NELL1: variants seen among roughly 807,000 people sequenced by gnomAD.
The protein encoded by NELL1 is neural EGFL like 1.
In NELL1, 76 loss-of-function variants were observed where a neutral mutation model predicts 107.4. That is an observed-to-expected ratio of 0.71 (90% CI 0.59 to 0.86). NELL1 has a LOEUF of 0.86. Among genes scored for constraint, NELL1 ranks in the 40% least tolerant of loss-of-function variants. NELL1 has a pLI of 0.00. For synonymous variants in NELL1, 353 were observed against 341.2 expected (o/e 1.03, Z -0.38); for missense variants, 1,024 against 1,005.5 (o/e 1.02, Z -0.25).
intron 15 of NELL1, among the ~76,000 whole-genome samples, chr11:21,477,313 C>T (rs114542330): frequency 2.3e-3 from 345 of 152,250 alleles, no homozygotes; most frequent in African/African-American, 7.9e-3. Flanking sequence ...GCCCACATTC[C>T]AGCTCCTGGG....
intron 17 of NELL1, 26 bp downstream of exon 17, chr11:21,560,408 A>G: frequency 6.5e-7 from 1 of 1,531,212 alleles, no homozygotes; most frequent in Non-Finnish European, 8.8e-7. Context: ...TGCAGCAGAA[A>G]TTGAAACTGT....
chr11:21,568,549 CTTAGTT>C (rs1857024870), intron 17 of NELL1, among the ~76,000 whole-genome samples: 1 of 151,492 alleles, frequency 6.6e-6, no homozygotes, highest in Non-Finnish European at 1.5e-5. Context: ...TGTAATAACA[CTTAGTT>C]TAAAACACAA....
At chr11:21,378,816 C>G (rs968776608) in intron 15 of NELL1, among the ~76,000 whole-genome samples, 1 of 150,184 alleles carries the variant, frequency 6.7e-6, no homozygotes, top group African/African-American at 2.5e-5. Context: ...CTCCTGGGTT[C>G]AAGCGATTCT....
At chr11:21,566,877 T>G (rs1356945970) in intron 17 of NELL1, among the ~76,000 whole-genome samples, 1 of 151,904 alleles carries the variant, frequency 6.6e-6, no homozygotes, top group Non-Finnish European at 1.5e-5. Context: ...AAAGTGAACA[T>G]TGCCATTGTT....
At chr11:20,911,887 T>C (rs1487030123) in intron 5 of NELL1, among the ~76,000 whole-genome samples, 3 of 152,154 alleles carry the variant, frequency 2.0e-5, no homozygotes, top group Admixed American at 1.3e-4. Flanking sequence ...AGTGTCTCAT[T>C]ACAGAAATTA....
At chr11:21,505,099 C>T (rs1023314209) in intron 15 of NELL1, among the ~76,000 whole-genome samples, 1 of 152,092 alleles carries the variant, frequency 6.6e-6, no homozygotes, top group African/African-American at 2.4e-5. Context: ...TCATGTGAAG[C>T]CCGGAATGGC....
At chr11:21,026,139 C>G (rs1298987963) in intron 12 of NELL1, among the ~76,000 whole-genome samples, 1 of 152,152 alleles carries the variant, frequency 6.6e-6, no homozygotes, top group Admixed American at 6.6e-5. Context: ...GCAAACCACT[C>G]CTAATATGGT....
At chr11:21,101,992 A>C (rs543740365) in intron 12 of NELL1, among the ~76,000 whole-genome samples, 19 of 152,216 alleles carry the variant, frequency 1.2e-4, no homozygotes, top group African/African-American at 4.6e-4. Context: ...GGCTGGGATT[A>C]CAGGTGCTTG....
intron 13 of NELL1, among the ~76,000 whole-genome samples, chr11:21,193,147 T>C (rs1857081652): frequency 6.6e-6 from 1 of 151,874 alleles, no homozygotes; most frequent in Non-Finnish European, 1.5e-5. Flanking sequence ...ACTACTAATA[T>C]GCGAAAATCC....
intron 17 of NELL1, among the ~76,000 whole-genome samples, chr11:21,564,876 C>G (rs79696680): frequency 0.043 from 6,556 of 151,970 alleles, 449 homozygotes; most frequent in African/African-American, 0.15. Context: ...TTATGTAAAC[C>G]TATTCCCAGA....
intron 4 of NELL1, among the ~76,000 whole-genome samples, chr11:20,855,580 G>T (rs943071721): frequency 6.6e-6 from 1 of 152,160 alleles, no homozygotes; most frequent in African/African-American, 2.4e-5. Context: ...TAGATGAATG[G>T]AGGGGGAAAA....
At chr11:21,471,711 A>G (rs1437661281) in intron 15 of NELL1, among the ~76,000 whole-genome samples, 1 of 152,068 alleles carries the variant, frequency 6.6e-6, no homozygotes, top group African/African-American at 2.4e-5. Flanking sequence ...GACTTGTCCA[A>G]GGTCAAAAGA....
At chr11:20,916,417 G>C (rs1339040732) in intron 5 of NELL1, among the ~76,000 whole-genome samples, 1 of 151,970 alleles carries the variant, frequency 6.6e-6, no homozygotes, top group Non-Finnish European at 1.5e-5. Flanking sequence ...GTATTTTCTT[G>C]CTTTAGGATT....
intron 4 of NELL1, among the ~76,000 whole-genome samples, chr11:20,866,538 T>C (rs1193992250): frequency 6.6e-6 from 1 of 152,240 alleles, no homozygotes; most frequent in African/African-American, 2.4e-5. Flanking sequence ...TTCTGGCCTT[T>C]TGTTTTTCAA....
In NELL1 at chr11:21,058,549, A is replaced by G. The variant is rs189061379; in HGVS notation, c.1301-55040A>G. ...CTTTGTAGCATTTTATCTTGCTTGC[A>G]GAGTGACACTTAAGCCCCTGATTGG... On this transcript the variant is annotated intron_variant, in intron 12 of 19. Coordinates refer to ENST00000357134, the MANE Select transcript of NELL1 (RefSeq NM_006157.5). 2.9e-3 allele frequency among the ~76,000 whole-genome samples: 437 copies of G among 152,272 alleles called. 1 individual carries two copies. Among genetic ancestry groups the G allele is most frequent in the African/African-American group, 9.6e-3 (400 of 41,584 alleles).
In NELL1 at chr11:21,572,629, G is replaced by C. The variant is rs1421038046; in HGVS notation, c.2158-556G>C. ...AAAGCTCCATTTGAACTGCAATCTA[G>C]AAAGTTCAGTGGTCACATGTTATAT... On this transcript the variant is annotated intron_variant, in intron 18 of 19. Transcript: ENST00000357134. Among the ~76,000 whole-genome samples the C allele has an allele frequency of 2.6e-5, 4 of 151,848 alleles. No homozygotes were observed. The East Asian group carries it at 7.8e-4, about 30-fold the overall frequency.
intron 14 of NELL1, among the ~76,000 whole-genome samples, chr11:21,318,524 C>T (rs191871540): frequency 4.5e-4 from 69 of 152,222 alleles, no homozygotes; most frequent in Non-Finnish European, 9.0e-4. Flanking sequence ...TCCATACTTC[C>T]GGCCCCACTC....
At chr11:21,429,476 A>C (rs1852914631) in intron 15 of NELL1, among the ~76,000 whole-genome samples, 1 of 152,194 alleles carries the variant, frequency 6.6e-6, no homozygotes, top group Non-Finnish European at 1.5e-5. Context: ...TTATAGACAG[A>C]AGCTATGTTG....
At chr11:21,518,800 A>G (rs1248294229) in intron 15 of NELL1, among the ~76,000 whole-genome samples, 1 of 152,222 alleles carries the variant, frequency 6.6e-6, no homozygotes, top group Non-Finnish European at 1.5e-5. Context: ...ATGTTGCCTT[A>G]TGGAAATTAT....
Sources: allele counts gnomAD v4.1 joint callset (sites outside exome capture counted in the v4.1 genomes callset), GRCh38; gene constraint gnomAD v4.1.1; transcripts MANE v1.5; gene names NCBI Gene and HGNC (gene_info 2026-07-23, HGNC 2026-07-21).